The following LIFR variants were observed in gnomAD, a reference collection of about 807,000 sequenced individuals.
The protein encoded by LIFR is leukemia inhibitory factor receptor.
In LIFR, 84 loss-of-function variants were observed where a neutral mutation model predicts 122.2. The ratio of observed to expected loss-of-function variants is 0.69; its 90% confidence interval spans 0.58 to 0.82. The LOEUF is 0.82. Ranked by LOEUF, LIFR falls within the 40% of genes least tolerant of loss-of-function variation. The pLI is 0.00. For synonymous variants in LIFR, 422 were observed against 434.7 expected, an observed-to-expected ratio of 0.97 and a Z score of 0.36; for missense variants, 1,294 against 1,311.6, an observed-to-expected ratio of 0.99 and a Z score of 0.21.
intron 1 of LIFR, among the ~76,000 whole-genome samples, chr5:38,569,742 G>A (rs1749149133): frequency 6.6e-6 from 1 of 152,104 alleles, no homozygotes. Context: ...TCGCACTGTT[G>A]CTTGAATCTG....
chr5:38,520,187 T>C (rs570319268), intron 5 of LIFR, among the ~76,000 whole-genome samples: 34 of 152,284 alleles, frequency 2.2e-4, no homozygotes, highest in South Asian at 1.2e-3. Flanking sequence ...GCTGATTTGA[T>C]TGTGGTTTTA....
rs563500654 is a variant in LIFR at position 38,501,529 on chromosome 5, A to C, written c.1600+1108T>G. Among the ~76,000 whole-genome samples, 20 of 152,262 alleles carry C rather than the reference A, an allele frequency of 1.3e-4. No individual in the cohort carries two copies. In the South Asian group the frequency reaches 4.1e-3, roughly 32 times the overall value. ...AGTACTTTGGGAGGCCAAGGCAGGC[A>C]CATCACAAGGTCAGGAGTTCGAGAC... On this transcript the variant is annotated intron_variant, in intron 11 of 19. Coordinates refer to ENST00000453190, the MANE Select transcript of LIFR (RefSeq NM_001127671.2).
intron 1 of LIFR, among the ~76,000 whole-genome samples, chr5:38,535,819 G>T (rs896524589): frequency 6.6e-6 from 1 of 152,184 alleles, no homozygotes; most frequent in African/African-American, 2.4e-5. Context: ...TTGTTAGGCT[G>T]CATGCTAACC....
At chr5:38,498,850 C>CA (rs1191716216) in intron 12 of LIFR, among the ~76,000 whole-genome samples, 1 of 152,096 alleles carries the variant, frequency 6.6e-6, no homozygotes, top group African/African-American at 2.4e-5. Context: ...TCACTTTACT[C>CA]AAAGCTGTAT....
In LIFR at chr5:38,583,130, G is replaced by A. The variant is rs144078540; in HGVS notation, c.-20+12131C>T. Among the ~76,000 whole-genome samples, 264 of 152,240 alleles carry A rather than the reference G, an allele frequency of 1.7e-3. 1 individual carries two copies. The highest frequency in any genetic ancestry group is 6.2e-3 in the African/African-American group (256 of 41,564). ...CACATACGTAACGTGTTCAATTGATGCTTGCTTGTTACGTAGAGCTGCTGT... is the reference window on the plus strand; with the variant it reads ...CACATACGTAACGTGTTCAATTGATACTTGCTTGTTACGTAGAGCTGCTGT... On this transcript the variant is annotated intron_variant, in intron 1 of 19. Transcript: ENST00000263409.
intron 5 of LIFR, among the ~76,000 whole-genome samples, chr5:38,517,816 C>T (rs1228132751): frequency 8.4e-6 from 1 of 118,946 alleles, no homozygotes; most frequent in East Asian, 2.7e-4. Context: ...GAGATCATGC[C>T]ACTGCACTCC....
At chr5:38,572,720 TG>T (rs1272577422) in intron 1 of LIFR, among the ~76,000 whole-genome samples, 5 of 152,180 alleles carry the variant, frequency 3.3e-5, no homozygotes, top group African/African-American at 9.7e-5. Flanking sequence ...GAATTTGCCA[TG>T]GTTGTTAACA....
At chr5:38,559,520 T>C (rs187790574), upstream of LIFR, among the ~76,000 whole-genome samples, 238 of 152,374 alleles carry the variant, frequency 1.6e-3, no homozygotes, top group African/African-American at 5.3e-3. Flanking sequence ...CCAGTCTGTG[T>C]TGTAAATTCT....
chr5:38,552,535 G>T (rs1176755744), intron 1 of LIFR, among the ~76,000 whole-genome samples: 1 of 152,086 alleles, frequency 6.6e-6, no homozygotes, highest in Non-Finnish European at 1.5e-5. Flanking sequence ...CACACAAAAG[G>T]CATCTTTGAA....
At chr5:38,508,246 CT>C (rs1745601537) in intron 7 of LIFR, among the ~76,000 whole-genome samples, 1 of 152,092 alleles carries the variant, frequency 6.6e-6, no homozygotes, top group Non-Finnish European at 1.5e-5. Flanking sequence ...TATACATCAA[CT>C]ACATTTTTAT....
chr5:38,533,275 CT>C (rs1355280856), intron 1 of LIFR, among the ~76,000 whole-genome samples: 1 of 152,198 alleles, frequency 6.6e-6, no homozygotes, highest in Non-Finnish European at 1.5e-5. Flanking sequence ...TCAATAAACC[CT>C]TCTGCTAAAG....
Position 38,481,504 on chromosome 5 carries a change from A to G in LIFR, c.*91T>C. 4 of 1,320,950 alleles carry G rather than the reference A, an allele frequency of 3.0e-6. No individual in the cohort carries two copies. The highest frequency in any genetic ancestry group is 4.4e-6 in the Non-Finnish European group (4 of 913,456). The allele number at this position is 1,320,950 out of a possible 1,614,324, so 81.8% of individuals were successfully genotyped here. Reference sequence around the variant, plus strand: ...AGTTCACCTCCTAACAATACTTCACAGGATCCCTCCAAGAATGCCCAGTGC... The same window carrying G: ...AGTTCACCTCCTAACAATACTTCACGGGATCCCTCCAAGAATGCCCAGTGC... On this transcript the variant is annotated 3_prime_UTR_variant, in exon 20 of 20. Coordinates refer to ENST00000453190, the MANE Select transcript of LIFR (RefSeq NM_001127671.2).
intron 7 of LIFR, among the ~76,000 whole-genome samples, chr5:38,509,939 T>C (rs1306370507): frequency 1.3e-5 from 2 of 152,164 alleles, no homozygotes; most frequent in Non-Finnish European, 2.9e-5. Context: ...ACAACATATA[T>C]AGAACGCAGT....
chr5:38,522,873 G>A (rs1746476919), intron 5 of LIFR, among the ~76,000 whole-genome samples: 1 of 152,060 alleles, frequency 6.6e-6, no homozygotes, highest in Non-Finnish European at 1.5e-5. Flanking sequence ...AGAGTAAAAG[G>A]CTGAAAGGGA....
At chr5:38,523,917 G>A (rs1464139686) in intron 4 of LIFR, among the ~76,000 whole-genome samples, 2 of 152,166 alleles carry the variant, frequency 1.3e-5, no homozygotes, top group Non-Finnish European at 2.9e-5. Context: ...AGCTCCCAAT[G>A]CTTCATCAGC....
chr5:38,538,155 C>A (rs1561189027), intron 1 of LIFR, among the ~76,000 whole-genome samples: 1 of 152,224 alleles, frequency 6.6e-6, no homozygotes, highest in African/African-American at 2.4e-5. Context: ...CCCAACACCA[C>A]TTATTAGGTA....
At chr5:38,487,518 C>A (rs553061005) in intron 16 of LIFR, among the ~76,000 whole-genome samples, 1 of 152,140 alleles carries the variant, frequency 6.6e-6, no homozygotes, top group African/African-American at 2.4e-5. Context: ...TGGCATAGAT[C>A]TTTTTTCTAT....
chr5:38,564,715 A>ATG, intron 1 of LIFR, among the ~76,000 whole-genome samples: 1 of 72,218 alleles, frequency 1.4e-5, no homozygotes, highest in East Asian at 6.8e-4. Flanking sequence ...TATACACACA[A>ATG]TATATATATA....
At chr5:38,486,597 A>C (rs1295761845) in intron 16 of LIFR, among the ~76,000 whole-genome samples, 1 of 152,210 alleles carries the variant, frequency 6.6e-6, no homozygotes, top group African/African-American at 2.4e-5. Context: ...AATAGTACTA[A>C]ATGGTTACTA....
Sources: gnomAD v4.1 joint callset for allele counts (sites outside exome capture counted in the v4.1 genomes callset) on GRCh38, gnomAD v4.1.1 for gene constraint, MANE v1.5 for transcripts, NCBI Gene and HGNC (gene_info 2026-07-23, HGNC 2026-07-21) for gene names.